The following MMP16 variants were observed in gnomAD, a reference collection of about 807,000 sequenced individuals.
MMP16 encodes matrix metalloproteinase-16.
In MMP16, 12 loss-of-function variants were observed where a neutral mutation model predicts 67.8. The ratio of observed to expected loss-of-function variants is 0.18; its 90% CI spans 0.11 to 0.29. The LOEUF is 0.29. Among genes scored for constraint, MMP16 ranks in the 10% least tolerant of loss-of-function variants. MMP16 has a pLI of 1.00. For missense variants in MMP16, 475 were observed against 765.7 expected (o/e 0.62, Z 4.48); for synonymous variants, 249 against 255.9 (o/e 0.97, Z 0.26).
At chr8:88,210,721 GGGCAAGCACTTAGA>G (rs1809500313) in intron 1 of MMP16, among the ~76,000 whole-genome samples, 1 of 152,052 alleles carries the variant, frequency 6.6e-6, no homozygotes, top group African/African-American at 2.4e-5. Context: ...GGCCACTGTT[GGGCAAGCACTTAGA>G]GGTTTTTATC....
At position 88,035,475 on chromosome 8, in the gene MMP16, CTA is replaced by C. The variant is rs1808042736; in HGVS notation, c.*5984_*5985del. 1 of 152,026 alleles carries C rather than the reference CTA, an allele frequency of 6.6e-6. No homozygotes were observed. Among genetic ancestry groups the C allele is most frequent in the African/African-American group, 2.4e-5 (1 of 41,418 alleles). The allele number at this position is 152,026 out of a possible 1,614,324, so 9.4% of individuals were successfully genotyped here. The stretch of plus-strand genomic sequence containing the variant: ...AAAGGCATAGAATCCTCAGAAATCT[CTA>C]TAAATAAATGTCTTTCATACATAAC... On this transcript the variant is annotated 3_prime_UTR_variant, in exon 10 of 10. Transcript: ENST00000286614. This position sits in a 1 kb window ranked among gnomAD's most constrained non-coding sequence, Gnocchi z 4.7.
chr8:88,186,563 T>C lies in MMP16; in HGVS notation c.317A>G (p.Gln106Arg), dbSNP rs1809076602. ...ATGAAATTTGGAGCTACCTCTTGTCTGGTCAGGTACACCGCATCGGGGCTT... is the reference window on the plus strand; with the variant it reads ...ATGAAATTTGGAGCTACCTCTTGTCCGGTCAGGTACACCGCATCGGGGCTT... ...MKKPRCGVPD[Q>R]TRGSSKFHIR... Residue 106 changes from glutamine to arginine, a missense_variant, in exon 3 of 10, where the codon CAG becomes CGG. Gln to Arg is a conservative substitution (Grantham distance 43). Around this residue, in one of 5 missense-constraint regions of MMP16, gnomAD observed 170 missense variants for 239.6 expected, o/e 0.71. Coordinates refer to ENST00000286614, the MANE Select transcript of MMP16 (RefSeq NM_005941.5). 6.9e-6 allele frequency: 11 copies of C among 1,600,714 alleles called. No individual in the cohort carries two copies. Among genetic ancestry groups the C allele is most frequent in the Middle Eastern group, 1.7e-4 (1 of 5,998 alleles).
chr8:88,111,490 A>G lies in MMP16; in HGVS notation c.1083+5017T>C, dbSNP rs180907673. ...TGTTCCAGAAACAACTGGGAGGAGAAGTGTGGCTGGAGTTCTGTGAGTAAA... is the reference window on the plus strand; with the variant it reads ...TGTTCCAGAAACAACTGGGAGGAGAGGTGTGGCTGGAGTTCTGTGAGTAAA... On this transcript the variant is annotated intron_variant, in intron 6 of 9. Coordinates refer to ENST00000286614, the MANE Select transcript of MMP16 (RefSeq NM_005941.5). 7.9e-5 allele frequency among the ~76,000 whole-genome samples: 12 copies of G among 151,798 alleles called. No individual in the cohort carries two copies. The East Asian group carries it at 1.8e-3, about 22-fold the overall frequency.
In MMP16 at chr8:88,197,196, G is replaced by A; in HGVS notation, c.243C>T (p.Gly81=). The A allele has an allele frequency of 6.2e-7, 1 of 1,611,952 alleles. No individual in the cohort carries two copies. Among genetic ancestry groups the A allele is most frequent in the Non-Finnish European group, 8.5e-7 (1 of 1,179,336 alleles). The change falls in exon 2 of 10, where the codon GGC becomes GGT. Residue 81 remains glycine, a synonymous_variant. Transcript: ENST00000286614. ...TGTCCACTTTTCCTGTCATGTTAAT[G>A]CCATAGAACTGCTGCATGGCAGCTA... ...SALAAMQQFY[G]INMTGKVDRN...
rs1020636036 is a variant in MMP16 at position 88,038,040 on chromosome 8, G to A, written c.*3421C>T. 7.2e-5 allele frequency: 11 copies of A among 151,932 alleles called. No homozygotes were observed. Among genetic ancestry groups the A allele is most frequent in the Non-Finnish European group, 1.3e-4 (9 of 67,904 alleles). The allele number at this position is 151,932 out of a possible 1,614,324, so 9.4% of individuals were successfully genotyped here. A position where few individuals can be genotyped will look rare whatever the true frequency, so the allele number is the denominator to read the frequency against. On this transcript the variant is annotated 3_prime_UTR_variant, in exon 10 of 10. Coordinates refer to ENST00000286614, the MANE Select transcript of MMP16 (RefSeq NM_005941.5). This position sits in a 1 kb window ranked among gnomAD's most constrained non-coding sequence, Gnocchi z 4.1. Reference sequence around the variant, plus strand: ...TTATTGACCCATGGAAATTTATTCTGCATTGGTTTTGAATCACTATTCTTA... The same window carrying A: ...TTATTGACCCATGGAAATTTATTCTACATTGGTTTTGAATCACTATTCTTA...
intron 1 of MMP16, among the ~76,000 whole-genome samples, chr8:88,238,876 C>T (rs1032231553): frequency 6.6e-6 from 1 of 150,946 alleles, no homozygotes; most frequent in African/African-American, 2.4e-5. Context: ...TGTAATCCCA[C>T]CACTTTGGGA....
chr8:88,272,467 T>A (rs1303786466), intron 1 of MMP16, among the ~76,000 whole-genome samples: 1 of 152,152 alleles, frequency 6.6e-6, no homozygotes, highest in Non-Finnish European at 1.5e-5. Context: ...AAAATGATCA[T>A]AAACAGTGAA....
chr8:88,209,975 T>C (rs547872744), intron 1 of MMP16, among the ~76,000 whole-genome samples: 1 of 152,202 alleles, frequency 6.6e-6, no homozygotes, highest in East Asian at 1.9e-4. Context: ...TTAGCCCTCA[T>C]GAATGGGATG....
At chr8:88,294,320 ATATGTG>A (rs1477118860) in intron 1 of MMP16, among the ~76,000 whole-genome samples, 1 of 150,720 alleles carries the variant, frequency 6.6e-6, no homozygotes, top group Non-Finnish European at 1.5e-5. Context: ...GTATATGTCT[ATATGTG>A]TATGTCTATA....
intron 6 of MMP16, among the ~76,000 whole-genome samples, chr8:88,080,434 T>C (rs1808727212): frequency 6.6e-6 from 1 of 152,184 alleles, no homozygotes; most frequent in African/African-American, 2.4e-5. Flanking sequence ...TATTTATGTA[T>C]ATATTTATTT....
chr8:88,250,997 A>G (rs1391212456), intron 1 of MMP16, among the ~76,000 whole-genome samples: 1 of 142,300 alleles, frequency 7.0e-6, no homozygotes, highest in Non-Finnish European at 1.5e-5. Flanking sequence ...CTCATTGTTC[A>G]ATTCCCACCT....
intron 1 of MMP16, among the ~76,000 whole-genome samples, chr8:88,239,496 G>GT (rs1219506712): frequency 2.7e-5 from 4 of 150,686 alleles, no homozygotes; most frequent in South Asian, 4.2e-4. Flanking sequence ...GGCATCTACC[G>GT]TAAGTTCTCT....
chr8:88,242,017 T>C (rs1810042151), intron 1 of MMP16, among the ~76,000 whole-genome samples: 1 of 152,184 alleles, frequency 6.6e-6, no homozygotes, highest in African/African-American at 2.4e-5. Flanking sequence ...CAACTAGATG[T>C]ATATCAATTT....
intron 1 of MMP16, among the ~76,000 whole-genome samples, chr8:88,257,571 G>T (rs916615780): frequency 1.3e-5 from 2 of 152,016 alleles, no homozygotes. Context: ...ACCATTTATG[G>T]GGCTTAATAT....
chr8:88,214,947 C>G (rs772895644), intron 1 of MMP16, among the ~76,000 whole-genome samples: 8 of 152,168 alleles, frequency 5.3e-5, no homozygotes, highest in Non-Finnish European at 7.3e-5. Flanking sequence ...AAGGAACTAT[C>G]ATTCTAAACC....
intron 1 of MMP16, among the ~76,000 whole-genome samples, chr8:88,320,002 A>G (rs1811433783): frequency 6.6e-6 from 1 of 152,190 alleles, no homozygotes; most frequent in African/African-American, 2.4e-5. Context: ...AGCTTATAAT[A>G]TTTTAATTAA....
At chr8:88,114,850 TTGGA>T (rs1399211729) in intron 6 of MMP16, among the ~76,000 whole-genome samples, 1 of 151,956 alleles carries the variant, frequency 6.6e-6, no homozygotes, top group Non-Finnish European at 1.5e-5. Context: ...TGTTTTGATA[TTGGA>T]AATAGCAGCT....
intron 6 of MMP16, among the ~76,000 whole-genome samples, chr8:88,082,856 C>T (rs1331867206): frequency 1.3e-5 from 2 of 151,590 alleles, no homozygotes; most frequent in Non-Finnish European, 2.9e-5. Flanking sequence ...GCAAAAAAAG[C>T]ATGTGCTAAA....
rs1808107241 is a variant in MMP16, at chr8:88,039,816, G to T, written c.*1645C>A. ...TCTGTCAGTTGCTGACTTTTCTCTAGGAAAAAAATATTGATACAAACCTGC... is the reference window on the plus strand; with the variant it reads ...TCTGTCAGTTGCTGACTTTTCTCTATGAAAAAAATATTGATACAAACCTGC... On this transcript the variant is annotated 3_prime_UTR_variant, in exon 10 of 10. Coordinates refer to ENST00000286614, the MANE Select transcript of MMP16 (RefSeq NM_005941.5). This position sits in a 1 kb window ranked among gnomAD's most constrained non-coding sequence, Gnocchi z 4.5. 1 of 152,500 alleles carries T rather than the reference G, an allele frequency of 6.6e-6. No individual in the cohort carries two copies. Among genetic ancestry groups the T allele is most frequent in the Non-Finnish European group, 1.5e-5 (1 of 68,012 alleles). 9.4% of individuals were successfully genotyped at this position (152,500 alleles called of 1,614,324 possible).
Sources: gnomAD v4.1 joint callset for allele counts (sites outside exome capture counted in the v4.1 genomes callset) on GRCh38, gnomAD v4.1.1 for gene constraint, gnomAD v4.1.1 regional missense constraint, Gnocchi (gnomAD v3.1) non-coding constraint, MANE v1.5 for transcripts, NCBI Gene and HGNC (gene_info 2026-07-23, HGNC 2026-07-21) for gene names.